Variants in ABCA13 observed in about 807,000 individuals in gnomAD.
ABCA13 encodes the protein ATP binding cassette subfamily A member 13.
A neutral mutation model predicts 478.7 loss-of-function variants in ABCA13; 476 were observed. The observed-to-expected ratio is 0.99, with a 90% CI of 0.92 to 1.07. The LOEUF is 1.07. Among genes scored for constraint, ABCA13 ranks in the 50% least tolerant of loss-of-function variants. The probability of loss-of-function intolerance (pLI) is 0.00; values close to 1 mark genes in which losing one functional copy is unlikely to be tolerated. For missense variants in ABCA13, 6,060 were observed against 5,910.6 expected (o/e 1.03, Z -0.83); for synonymous variants, 2,252 against 2,158.9 (o/e 1.04, Z -1.20).
At chr7:48,417,491 A>G (rs2060330) in intron 41 of ABCA13, among the ~76,000 whole-genome samples, 101,159 of 151,778 alleles carry the variant, frequency 0.67, 33,999 homozygotes, top group South Asian at 0.78. Context: ...AATCACTTAG[A>G]CTGGAACCAC....
At chr7:48,186,671 A>C (rs1034285008) in intron 1 of ABCA13, among the ~76,000 whole-genome samples, 1 of 151,978 alleles carries the variant, frequency 6.6e-6, no homozygotes, top group Admixed American at 6.6e-5. Flanking sequence ...CCTTAAATTG[A>C]ATCTTATATG....
At chr7:48,610,776 C>G (rs1012588412) in intron 58 of ABCA13, among the ~76,000 whole-genome samples, 2 of 152,184 alleles carry the variant, frequency 1.3e-5, no homozygotes, top group African/African-American at 2.4e-5. Context: ...ACTCTCTGGA[C>G]CAGTAGCCTG....
chr7:48,256,769 C>T (rs1378524642), intron 15 of ABCA13, among the ~76,000 whole-genome samples: 1 of 152,116 alleles, frequency 6.6e-6, no homozygotes, highest in Non-Finnish European at 1.5e-5. Context: ...CAGCATTGCT[C>T]TTTTGCTTAC....
chr7:48,554,446 C>CA (rs1240650734), intron 55 of ABCA13, among the ~76,000 whole-genome samples: 1 of 151,862 alleles, frequency 6.6e-6, no homozygotes, highest in Non-Finnish European at 1.5e-5. Flanking sequence ...TTGATTCTTC[C>CA]AATTCATGAA....
intron 58 of ABCA13, among the ~76,000 whole-genome samples, chr7:48,596,570 G>A (rs753687382): frequency 2.6e-5 from 4 of 152,086 alleles, no homozygotes; most frequent in Non-Finnish European, 4.4e-5. Flanking sequence ...CAGCACGTTG[G>A]GAGGCCAAGG....
intron 58 of ABCA13, among the ~76,000 whole-genome samples, chr7:48,595,577 G>C (rs771589735): frequency 1.6e-4 from 25 of 152,132 alleles, no homozygotes; most frequent in Non-Finnish European, 3.1e-4. Flanking sequence ...GAGACTTCTG[G>C]GTCGGAGATG....
chr7:48,418,872 T>A (rs781227952), intron 41 of ABCA13, among the ~76,000 whole-genome samples: 2 of 152,230 alleles, frequency 1.3e-5, no homozygotes, highest in Non-Finnish European at 2.9e-5. Flanking sequence ...TATTAGTCCA[T>A]TCTCACATTG....
chr7:48,394,699 AT>A (rs1279386517), intron 38 of ABCA13, among the ~76,000 whole-genome samples: 3 of 151,260 alleles, frequency 2.0e-5, no homozygotes, highest in Admixed American at 2.0e-4. Context: ...TTATTTTTAT[AT>A]TTTTTCCATA....
chr7:48,178,581 A>G (rs1460252883), intron 1 of ABCA13, among the ~76,000 whole-genome samples: 1 of 152,174 alleles, frequency 6.6e-6, no homozygotes, highest in Non-Finnish European at 1.5e-5. Flanking sequence ...AGGCTAAGGC[A>G]GGAGAATCAC....
At chr7:48,477,431 A>G (rs1235476468) in intron 45 of ABCA13, among the ~76,000 whole-genome samples, 1 of 152,092 alleles carries the variant, frequency 6.6e-6, no homozygotes, top group African/African-American at 2.4e-5. Flanking sequence ...CTATAAAGAC[A>G]CATGCACACG....
At chr7:48,631,390 C>T (rs372543223) in intron 59 of ABCA13, among the ~76,000 whole-genome samples, 5 of 152,092 alleles carry the variant, frequency 3.3e-5, no homozygotes, top group South Asian at 2.1e-4. Context: ...CTTATCCCAG[C>T]ACTATTTATT....
At position 48,481,050 on chromosome 7, in the gene ABCA13, A is replaced by G. The variant is rs764967706; in HGVS notation, c.12990A>G (p.Arg4330=). ...AACAATTTCAGAAGTGTCCAAATAG[A>G]AGTGCTAGTGCTCCCTACCTGACCA... ...DSCGCLKCPN[R]SASAPYLTNH... is the part of the protein sequence containing the mutation. Residue 4330 remains arginine, a synonymous_variant, in exon 46 of 62, where the codon AGA becomes AGG. Coordinates refer to ENST00000435803, the MANE Select transcript of ABCA13 (RefSeq NM_152701.5). 3.1e-6 allele frequency: 5 copies of G among 1,594,834 alleles called. No individual in the cohort carries two copies. The East Asian group carries it at 1.1e-4, about 36-fold the overall frequency.
chr7:48,463,096 G>T (rs913555626), intron 43 of ABCA13, among the ~76,000 whole-genome samples: 1 of 152,008 alleles, frequency 6.6e-6, no homozygotes, highest in African/African-American at 2.4e-5. Context: ...TCCTGTGTAG[G>T]CATGTGCTTC....
Position 48,481,079 on chromosome 7 carries a change from AC to A in ABCA13, c.13021del (p.Leu4341TrpfsTer6). 6.2e-7 allele frequency: 1 copy of A among 1,603,248 alleles called. No individual in the cohort carries two copies. Among genetic ancestry groups the A allele is most frequent in the Non-Finnish European group, 8.5e-7 (1 of 1,174,750 alleles). On this transcript the variant is annotated frameshift_variant, in exon 46 of 62. Transcript: ENST00000435803. LOFTEE classifies it high-confidence loss of function. ...RSASAPYLTN[H>X]LGHTLLNLSG... is the part of the protein sequence containing the mutation. ...GCTAGTGCTCCCTACCTGACCAACC[AC>A]CTGGGCCACACACTGTTGAATCTCT...
Position 48,275,501 on chromosome 7 carries a change from T to A in ABCA13, c.5835T>A (p.Ser1945Arg). 1.2e-6 allele frequency: 2 copies of A among 1,613,898 alleles called. No individual in the cohort carries two copies. The highest frequency in any genetic ancestry group is 1.7e-6 in the Non-Finnish European group (2 of 1,179,842). ...ATAGCATCTCTGAACTCTGTCCTAG[T>A]GGTTCCATAAAGCAAGTTGCTTTGC... ...TRDSISELCP[S>R]GSIKQVALQI... Residue 1945 changes from serine (S) to arginine (R), a missense_variant, in exon 17 of 62, where the codon AGT becomes AGA. By Grantham distance (110) the Ser-to-Arg change is moderately radical (BLOSUM62 -1). Coordinates refer to ENST00000435803, the MANE Select transcript of ABCA13 (RefSeq NM_152701.5).
chr7:48,524,044 A>G (rs148865938), intron 53 of ABCA13, among the ~76,000 whole-genome samples: 150 of 152,320 alleles, frequency 9.8e-4, no homozygotes, highest in Middle Eastern at 3.4e-3. Flanking sequence ...GAATGTATAT[A>G]TTTCATTTAT....
At chr7:48,238,625 C>G (rs964283722) in intron 8 of ABCA13, among the ~76,000 whole-genome samples, 2 of 152,080 alleles carry the variant, frequency 1.3e-5, no homozygotes, top group African/African-American at 4.8e-5. Flanking sequence ...CCCACCACCA[C>G]GCCTGGCTAA....
intron 55 of ABCA13, among the ~76,000 whole-genome samples, chr7:48,555,796 T>C (rs1482746126): frequency 6.6e-6 from 1 of 151,898 alleles, no homozygotes; most frequent in Admixed American, 6.6e-5. Context: ...TATTATTTTC[T>C]TTATTTCACA....
intron 27 of ABCA13, among the ~76,000 whole-genome samples, chr7:48,324,765 A>T (rs1373926199): frequency 2.6e-5 from 4 of 152,192 alleles, no homozygotes; most frequent in Non-Finnish European, 5.9e-5. Context: ...TGAACCTTGG[A>T]TGCTCACATG....
Sources: gnomAD v4.1 joint callset for allele counts (sites outside exome capture counted in the v4.1 genomes callset) on GRCh38, gnomAD v4.1.1 for gene constraint, MANE v1.5 for transcripts, NCBI Gene and HGNC (gene_info 2026-07-23, HGNC 2026-07-21) for gene names.